Variants in CPED1 observed in about 807,000 individuals in gnomAD.
CPED1 encodes the protein cadherin like and PC-esterase domain containing 1.
A neutral mutation model predicts 128.2 loss-of-function variants in CPED1; 114 were observed. The observed-to-expected ratio is 0.89, with a 90% confidence interval of 0.76 to 1.04. CPED1 has a LOEUF of 1.04. Ranked by LOEUF, CPED1 falls within the 50% of genes least tolerant of loss-of-function variation. The probability of loss-of-function intolerance (pLI) is 0.00; values close to 1 mark genes in which losing one functional copy is unlikely to be tolerated. For synonymous variants in CPED1, 462 were observed against 426.7 expected (o/e 1.08, Z -1.02); for missense variants, 1,211 against 1,207.1 (o/e 1.00, Z -0.05).
intron 16 of CPED1, among the ~76,000 whole-genome samples, chr7:121,190,812 A>G (rs1797119531): frequency 6.6e-6 from 1 of 152,188 alleles, no homozygotes; most frequent in Admixed American, 6.6e-5. Context: ...AAATGAAAGC[A>G]GCTCTGGATT....
chr7:121,145,628 A>G (rs1351209219), intron 16 of CPED1, among the ~76,000 whole-genome samples: 1 of 152,012 alleles, frequency 6.6e-6, no homozygotes, highest in African/African-American at 2.4e-5. Flanking sequence ...CAGGGGTAAA[A>G]TTTTCTCACC....
chr7:120,992,075 A>T (rs1211710522), intron 2 of CPED1, among the ~76,000 whole-genome samples: 1 of 152,162 alleles, frequency 6.6e-6, no homozygotes, highest in Non-Finnish European at 1.5e-5. Flanking sequence ...AATTTAAATT[A>T]TTAGATACTC....
intron 7 of CPED1, among the ~76,000 whole-genome samples, chr7:121,123,705 C>T (rs1354088211): frequency 6.6e-6 from 1 of 152,048 alleles, no homozygotes; most frequent in Non-Finnish European, 1.5e-5. Context: ...TAATACTGCC[C>T]TATCACATGA....
At chr7:121,284,131 A>C (rs548896901) in intron 22 of CPED1, among the ~76,000 whole-genome samples, 1 of 152,204 alleles carries the variant, frequency 6.6e-6, no homozygotes, top group Non-Finnish European at 1.5e-5. Context: ...GGAAGGAAAC[A>C]CGTCCTTCTT....
At chr7:121,142,271 A>G (rs1361738917) in intron 16 of CPED1, 130 bp downstream of exon 16, 1 of 838,470 alleles carries the variant, frequency 1.2e-6, no homozygotes, top group Non-Finnish European at 1.9e-6. Flanking sequence ...TCATTTCAAA[A>G]AAGTGAGAAT....
chr7:121,283,659 G>A (rs1187738768), intron 22 of CPED1, among the ~76,000 whole-genome samples: 1 of 152,184 alleles, frequency 6.6e-6, no homozygotes, highest in African/African-American at 2.4e-5. Flanking sequence ...CCAAACAGGG[G>A]CTCTGGGACA....
Position 121,099,923 on chromosome 7 carries a change from T to TA in CPED1, c.750-2dup. 18 of 1,573,152 alleles carry TA rather than the reference T, an allele frequency of 1.1e-5. No individual in the cohort carries two copies. Among genetic ancestry groups the TA allele is most frequent in the Non-Finnish European group, 1.5e-5 (17 of 1,161,574 alleles). ...CGCTAACTATGTTTTTTTTTTTTTT[T>TA]AGGAATGAAACGACAGTCCTTGCTC... On this transcript the variant is annotated splice_region_variant and splice_polypyrimidine_tract_variant and intron_variant, in intron 6 of 22. Coordinates refer to ENST00000310396, the MANE Select transcript of CPED1 (RefSeq NM_024913.5).
intron 5 of CPED1, among the ~76,000 whole-genome samples, chr7:121,097,161 C>T (rs137916144): frequency 2.1e-3 from 319 of 152,136 alleles, no homozygotes; most frequent in South Asian, 4.4e-3. Context: ...TTAAGTAAAC[C>T]ATTATTATTG....
intron 18 of CPED1, among the ~76,000 whole-genome samples, chr7:121,259,642 G>A (rs1472651487): frequency 1.3e-5 from 2 of 151,942 alleles, no homozygotes; most frequent in African/African-American, 4.8e-5. Context: ...TAATCACAGG[G>A]TAAAATATGT....
chr7:121,078,190 G>C (rs778891095), intron 5 of CPED1, among the ~76,000 whole-genome samples: 1 of 151,890 alleles, frequency 6.6e-6, no homozygotes, highest in African/African-American at 2.4e-5. Context: ...GACTATAGGT[G>C]TGCACCACCA....
In CPED1 at chr7:120,989,741, G is replaced by C. The variant is rs144976107; in HGVS notation, c.120G>C (p.Lys40Asn). Residue 40 changes from lysine (K) to asparagine (N), a missense_variant, in exon 2 of 23, where the codon AAG (lysine) becomes AAC (asparagine). Lys to Asn is a moderately conservative substitution (Grantham distance 94). Transcript: ENST00000310396. ...CTCTGACCCTCCGAGGGTCGAGGAA[G>C]CTCACAGCCGCTGCCCCTGGGGCTG... ...YQTLTLRGSRKLTAAAPGAVP... is the reference protein window; with the variant it reads ...YQTLTLRGSRNLTAAAPGAVP... The C allele has an allele frequency of 6.2e-7, 1 of 1,613,746 alleles. No individual in the cohort carries two copies. Among genetic ancestry groups the C allele is most frequent in the South Asian group, 1.1e-5 (1 of 91,056 alleles).
chr7:121,156,164 T>C (rs1296056398), intron 16 of CPED1, among the ~76,000 whole-genome samples: 1 of 152,156 alleles, frequency 6.6e-6, no homozygotes, highest in East Asian at 1.9e-4. Context: ...CCAATTAAAA[T>C]GGCTTTTATC....
chr7:121,020,574 T>A (rs1025446258), intron 3 of CPED1, among the ~76,000 whole-genome samples: 1 of 151,988 alleles, frequency 6.6e-6, no homozygotes, highest in Non-Finnish European at 1.5e-5. Flanking sequence ...AGGACTGAGA[T>A]GTTTCATTTT....
In CPED1 at chr7:121,140,821, T is replaced by G. The variant is rs915207670; in HGVS notation, c.1700-6T>G. The G allele has an allele frequency of 2.5e-6, 4 of 1,600,064 alleles. No individual in the cohort carries two copies. In the Admixed American group the frequency reaches 7.1e-5, roughly 28 times the overall value. ...GTCTTTGTCATTGTTTTTGTTTTTT[T>G]AACAGATGAAAACACACCATGTCAT... On this transcript the variant is annotated splice_polypyrimidine_tract_variant and splice_region_variant and intron_variant, in intron 14 of 22. Coordinates refer to ENST00000310396, the MANE Select transcript of CPED1 (RefSeq NM_024913.5).
chr7:121,248,161 G>T (rs1482845598), intron 18 of CPED1, among the ~76,000 whole-genome samples: 2 of 152,154 alleles, frequency 1.3e-5, no homozygotes, highest in Non-Finnish European at 2.9e-5. Context: ...AGGATATGTG[G>T]CCAGCACTCA....
At position 121,205,263 on chromosome 7, in the gene CPED1, C is replaced by A. The variant is rs553767454; in HGVS notation, c.2056-31451C>A. The stretch of plus-strand genomic sequence containing the variant: ...TTAATCAGAACTGGAAAAATTAAAT[C>A]TTTTTTACAATGTGGGATTTTATAC... On this transcript the variant is annotated intron_variant, in intron 16 of 22. Transcript: ENST00000310396. Among the ~76,000 whole-genome samples the A allele has an allele frequency of 1.6e-4, 24 of 152,046 alleles. 1 individual carries two copies. In the South Asian group the frequency reaches 5.0e-3, roughly 32 times the overall value.
Position 121,267,196 on chromosome 7 carries a change from T to A in CPED1, c.2634-19T>A, listed in dbSNP as rs1337260080. 1 of 1,342,210 alleles carries A rather than the reference T, an allele frequency of 7.5e-7. No individual in the cohort carries two copies. The highest frequency in any genetic ancestry group is 1.4e-5 in the African/African-American group (1 of 69,096). 83.1% of individuals were successfully genotyped at this position (1,342,210 alleles called of 1,614,324 possible). A position where few individuals can be genotyped will look rare whatever the true frequency, so the allele number is the denominator to read the frequency against. ...GTAATTAAAGTTACTGACTTTAGAA[T>A]TATAATTATCTCATTCAGGGAAAAT... On this transcript the variant is annotated intron_variant, in intron 20 of 22. Coordinates refer to ENST00000310396, the MANE Select transcript of CPED1 (RefSeq NM_024913.5).
At chr7:121,035,914 G>A (rs746360464) in intron 3 of CPED1, among the ~76,000 whole-genome samples, 10 of 151,158 alleles carry the variant, frequency 6.6e-5, no homozygotes, top group Non-Finnish European at 1.2e-4. Context: ...GTTCAAATTT[G>A]TACGTTTTCA....
At chr7:121,161,806 G>C (rs1796417785) in intron 16 of CPED1, among the ~76,000 whole-genome samples, 1 of 152,172 alleles carries the variant, frequency 6.6e-6, no homozygotes, top group African/African-American at 2.4e-5. Context: ...CAGGACTTTA[G>C]TATCGTGAAG....
Sources: allele counts gnomAD v4.1 joint callset (sites outside exome capture counted in the v4.1 genomes callset), GRCh38; gene constraint gnomAD v4.1.1; transcripts MANE v1.5; gene names NCBI Gene and HGNC (gene_info 2026-07-23, HGNC 2026-07-21).